LRRTM3: variants seen among roughly 807,000 people sequenced by gnomAD.
LRRTM3 encodes the protein leucine rich repeat transmembrane neuronal 3, also known as leucine-rich repeat transmembrane neuronal protein 3.
LRRTM3 carries 24 observed loss-of-function variants against 44.7 expected under a neutral mutation model. That is an observed-to-expected ratio of 0.54 (90% confidence interval 0.39 to 0.76). The LOEUF is 0.76. Among genes scored for constraint, LRRTM3 ranks in the 30% least tolerant of loss-of-function variants. LRRTM3 has a pLI of 0.00. For synonymous variants in LRRTM3, 277 were observed against 278.7 expected (o/e 0.99, Z 0.06); for missense variants, 587 against 702.2 (o/e 0.84, Z 1.85).
Position 67,053,269 on chromosome 10 carries a change from C to T in LRRTM3, c.1537-44318C>T, listed in dbSNP as rs552207536. 6.6e-5 allele frequency among the ~76,000 whole-genome samples: 10 copies of T among 152,232 alleles called. No homozygotes were observed. The South Asian group carries it at 2.1e-3, about 32-fold the overall frequency. On this transcript the variant is annotated intron_variant, in intron 2 of 2. Transcript: ENST00000361320. ...TAGGATGCAGTGTTTTCCAAATACG[C>T]TAATCTTAGAACACTATACAAATAC... is the stretch of plus-strand genomic sequence containing the variant.
rs987897485 is a variant in LRRTM3, at chr10:66,949,024, A to C, written c.1536+20572A>C. Among the ~76,000 whole-genome samples the C allele has an allele frequency of 5.8e-4, 88 of 152,346 alleles. 1 individual carries two copies. Among genetic ancestry groups the C allele is most frequent in the African/African-American group, 2.0e-3 (82 of 41,586 alleles). Reference sequence around the variant, plus strand: ...GCTATTTGATTAGGAGACTCTGGAAAAAGCATGTAATCTTGCAAACAAATA... The same window carrying C: ...GCTATTTGATTAGGAGACTCTGGAACAAGCATGTAATCTTGCAAACAAATA... On this transcript the variant is annotated intron_variant, in intron 2 of 2. Transcript: ENST00000361320.
intron 2 of LRRTM3, among the ~76,000 whole-genome samples, chr10:67,069,051 A>C (rs1856271413): frequency 7.7e-6 from 1 of 130,270 alleles, no homozygotes; most frequent in Admixed American, 7.7e-5. Flanking sequence ...AAGACAGGAA[A>C]AAAAATATAT....
At chr10:67,079,955 G>A (rs1437691269) in intron 2 of LRRTM3, among the ~76,000 whole-genome samples, 2 of 151,108 alleles carry the variant, frequency 1.3e-5, no homozygotes, top group African/African-American at 4.9e-5. Flanking sequence ...TGTCAAGAGA[G>A]GAGTAAAATA....
intron 2 of LRRTM3, among the ~76,000 whole-genome samples, chr10:67,023,794 A>G (rs1297628228): frequency 2.0e-5 from 3 of 152,212 alleles, no homozygotes; most frequent in Non-Finnish European, 4.4e-5. Flanking sequence ...AATATACAAG[A>G]AAGCATGTAA....
rs555696829 is a variant in LRRTM3, at chr10:66,947,904, G to C, written c.1536+19452G>C. 5.5e-4 allele frequency among the ~76,000 whole-genome samples: 84 copies of C among 152,298 alleles called. No homozygotes were observed. In the South Asian group the frequency reaches 0.017, roughly 31 times the overall value. ...TTTGTCATTGTGCGAACATCACAGAGTGTACTTACATAAACCTAGATGACA... is the reference window on the plus strand; with the variant it reads ...TTTGTCATTGTGCGAACATCACAGACTGTACTTACATAAACCTAGATGACA... On this transcript the variant is annotated intron_variant, in intron 2 of 2. Transcript: ENST00000361320.
At chr10:67,021,126 C>G (rs10762127) in intron 2 of LRRTM3, among the ~76,000 whole-genome samples, 13 of 152,058 alleles carry the variant, frequency 8.5e-5, no homozygotes, top group Non-Finnish European at 1.5e-4. Context: ...TAAAATGTGA[C>G]GGAAGAGGAA....
At chr10:66,978,449 C>A (rs1251364473) in intron 2 of LRRTM3, among the ~76,000 whole-genome samples, 1 of 143,706 alleles carries the variant, frequency 7.0e-6, no homozygotes, top group African/African-American at 2.6e-5. Context: ...ATCACTTTAA[C>A]CTGGGAGGCG....
In LRRTM3 at chr10:67,098,145, T is replaced by C. The variant is rs533284635; in HGVS notation, c.*349T>C. ...GTTTCAATTGTAGAAACAACTGGTATGTACAGTACCATAATTTAATTACAT... is the reference window on the plus strand; with the variant it reads ...GTTTCAATTGTAGAAACAACTGGTACGTACAGTACCATAATTTAATTACAT... On this transcript the variant is annotated 3_prime_UTR_variant, in exon 3 of 3. Transcript: ENST00000361320. The C allele has an allele frequency of 5.5e-6, 1 of 181,548 alleles. No homozygotes were observed. Among genetic ancestry groups the C allele is most frequent in the South Asian group, 1.4e-4 (1 of 7,182 alleles). The allele number at this position is 181,548 out of a possible 1,614,324, so 11.2% of individuals were successfully genotyped here.
intron 2 of LRRTM3, among the ~76,000 whole-genome samples, chr10:67,067,805 C>T (rs888125365): frequency 6.6e-6 from 1 of 152,110 alleles, no homozygotes; most frequent in African/African-American, 2.4e-5. Context: ...GTGCTGGATA[C>T]AACAGGATAA....
At chr10:66,948,094 T>G (rs1364581582) in intron 2 of LRRTM3, among the ~76,000 whole-genome samples, 1 of 152,160 alleles carries the variant, frequency 6.6e-6, no homozygotes. Flanking sequence ...AAACACAATA[T>G]CATAACTTGT....
chr10:67,045,579 C>T (rs1854682013), intron 2 of LRRTM3, among the ~76,000 whole-genome samples: 1 of 152,184 alleles, frequency 6.6e-6, no homozygotes, highest in Non-Finnish European at 1.5e-5. Context: ...TCCCCACGAA[C>T]TTCCATTGCG....
At chr10:67,002,721 A>G (rs760146627) in intron 2 of LRRTM3, among the ~76,000 whole-genome samples, 3 of 152,040 alleles carry the variant, frequency 2.0e-5, no homozygotes, top group Non-Finnish European at 4.4e-5. Flanking sequence ...GTACTAAGTT[A>G]CCAAGCAGAA....
intron 2 of LRRTM3, among the ~76,000 whole-genome samples, chr10:66,974,820 A>G (rs1849938380): frequency 6.6e-6 from 1 of 151,240 alleles, no homozygotes; most frequent in Non-Finnish European, 1.5e-5. Context: ...TTTTTTCTGA[A>G]GTGTCTGTTG....
In LRRTM3 at chr10:66,998,133, A is replaced by G. The variant is rs1302643334; in HGVS notation, c.1536+69681A>G. The stretch of plus-strand genomic sequence containing the variant: ...GATGCCATTCCCCTACATAAATAAG[A>G]TGCAAACCAAATTCCTAACACGGCA... On this transcript the variant is annotated intron_variant, in intron 2 of 2. Transcript: ENST00000361320. 2.0e-5 allele frequency among the ~76,000 whole-genome samples: 3 copies of G among 152,190 alleles called. No homozygotes were observed. The East Asian group carries it at 5.8e-4, about 29-fold the overall frequency.
chr10:67,016,065 C>T (rs547307992), intron 2 of LRRTM3, among the ~76,000 whole-genome samples: 1 of 152,180 alleles, frequency 6.6e-6, no homozygotes, highest in South Asian at 2.1e-4. Context: ...TTTCTGAACC[C>T]TATTTTTAGA....
intron 2 of LRRTM3, among the ~76,000 whole-genome samples, chr10:67,036,346 T>C (rs1245908525): frequency 6.6e-6 from 1 of 151,580 alleles, no homozygotes; most frequent in Non-Finnish European, 1.5e-5. Context: ...CTCGGCTCAC[T>C]GCAATCTCTC....
chr10:67,074,504 C>T (rs1431956420), intron 2 of LRRTM3, among the ~76,000 whole-genome samples: 5 of 151,860 alleles, frequency 3.3e-5, no homozygotes, highest in Admixed American at 2.6e-4. Context: ...GCGCCCACCA[C>T]CACGCCCGGC....
At chr10:66,997,378 T>C (rs1256076269) in intron 2 of LRRTM3, among the ~76,000 whole-genome samples, 1 of 152,220 alleles carries the variant, frequency 6.6e-6, no homozygotes, top group Non-Finnish European at 1.5e-5. Flanking sequence ...TTAATTTACC[T>C]GTGTTAAATT....
At chr10:66,964,410 C>T (rs1320205025) in intron 2 of LRRTM3, among the ~76,000 whole-genome samples, 1 of 151,658 alleles carries the variant, frequency 6.6e-6, no homozygotes, top group Non-Finnish European at 1.5e-5. Context: ...CATTTTTAAA[C>T]TGGCACAAAA....
Sources: allele counts gnomAD v4.1 joint callset (sites outside exome capture counted in the v4.1 genomes callset), GRCh38; gene constraint gnomAD v4.1.1; transcripts MANE v1.5; gene names NCBI Gene and HGNC (gene_info 2026-07-23, HGNC 2026-07-21).